ERC2: variants seen among roughly 807,000 people sequenced by gnomAD.
ERC2 encodes ERC protein 2.
Under a neutral mutation model 114.8 loss-of-function variants are expected in ERC2, and 42 were observed. That is an observed-to-expected ratio of 0.37 (90% CI 0.29 to 0.47). The LOEUF is 0.47. Among genes scored for constraint, ERC2 ranks in the 20% least tolerant of loss-of-function variants. The pLI, the probability that ERC2 is intolerant of heterozygous loss-of-function variation, is 0.99. For synonymous variants in ERC2, 454 were observed against 425.5 expected, an observed-to-expected ratio of 1.07 and a Z score of -0.82; for missense variants, 939 against 1,150.7, an observed-to-expected ratio of 0.82 and a Z score of 2.66.
chr3:55,782,321 T>C (rs1468832089), intron 14 of ERC2, among the ~76,000 whole-genome samples: 2 of 152,118 alleles, frequency 1.3e-5, no homozygotes, highest in Non-Finnish European at 2.9e-5. Flanking sequence ...TTATCCCAAG[T>C]CCCCATACCC....
chr3:56,330,235 C>T (rs981009565), intron 2 of ERC2, among the ~76,000 whole-genome samples: 7 of 152,032 alleles, frequency 4.6e-5, no homozygotes, highest in African/African-American at 1.7e-4. Context: ...GACAAGGTTT[C>T]GCTATGTTGC....
At chr3:56,197,943 T>C (rs1269710146) in intron 3 of ERC2, among the ~76,000 whole-genome samples, 1 of 152,210 alleles carries the variant, frequency 6.6e-6, no homozygotes, top group Admixed American at 6.5e-5. Context: ...CTAGAAACAC[T>C]GATCAATTCC....
intron 14 of ERC2, among the ~76,000 whole-genome samples, chr3:55,814,620 A>G (rs914210423): frequency 3.3e-5 from 5 of 152,252 alleles, no homozygotes; most frequent in Non-Finnish European, 5.9e-5. Flanking sequence ...CAATCTTTCT[A>G]TAGAAGTAGT....
Position 55,675,903 on chromosome 3 carries a change from C to CTT in ERC2, c.*39+7889_*39+7890dup, listed in dbSNP as rs869296098. 3.0e-3 allele frequency among the ~76,000 whole-genome samples: 142 copies of CTT among 47,966 alleles called. 12 individuals are homozygous for CTT. Among genetic ancestry groups the CTT allele is most frequent in the African/African-American group, 0.012 (129 of 10,534 alleles). The allele number at this position is 47,966 out of a possible 152,430, so 31.5% of individuals were successfully genotyped here. A position where few individuals can be genotyped will look rare whatever the true frequency, so the allele number is the denominator to read the frequency against. ...TTCCATCTTTCTTTCTCTTTTCTTT[C>CTT]TTTTTTTTTTTTTTTTTTTTTTTTT... On this transcript the variant is annotated intron_variant, in intron 17 of 17. Coordinates refer to ENST00000288221, the MANE Select transcript of ERC2 (RefSeq NM_015576.3).
At chr3:56,336,447 C>T (rs913018998) in intron 2 of ERC2, among the ~76,000 whole-genome samples, 18 of 152,082 alleles carry the variant, frequency 1.2e-4, no homozygotes, top group Non-Finnish European at 1.9e-4. Flanking sequence ...GCTATCATGA[C>T]GATGAATGGG....
chr3:56,020,670 G>A lies in ERC2; in HGVS notation c.1642-1639C>T, dbSNP rs545515046. ...ATGTTATTACTTTGAATACACCCAT[G>A]GATACATTTGTGTACACACATGTAC... On this transcript the variant is annotated intron_variant, in intron 7 of 17. Coordinates refer to ENST00000288221, the MANE Select transcript of ERC2 (RefSeq NM_015576.3). Among the ~76,000 whole-genome samples the A allele has an allele frequency of 2.6e-5, 4 of 152,294 alleles. No homozygotes were observed. The South Asian group carries it at 8.3e-4, about 32-fold the overall frequency.
At chr3:55,921,425 C>T (rs1325632021) in intron 13 of ERC2, among the ~76,000 whole-genome samples, 2 of 152,122 alleles carry the variant, frequency 1.3e-5, no homozygotes, top group African/African-American at 2.4e-5. Flanking sequence ...GGTATTCCCA[C>T]ATGTATCAGT....
intron 6 of ERC2, among the ~76,000 whole-genome samples, chr3:56,128,396 T>C (rs2080011130): frequency 1.3e-5 from 2 of 152,190 alleles, no homozygotes; most frequent in African/African-American, 4.8e-5. Flanking sequence ...AATTTAAAAC[T>C]GACGCACTGG....
chr3:55,996,987 A>G (rs1312682468), intron 10 of ERC2, among the ~76,000 whole-genome samples: 1 of 152,208 alleles, frequency 6.6e-6, no homozygotes, highest in Non-Finnish European at 1.5e-5. Flanking sequence ...CTGGTCATTG[A>G]TTATTTCCAA....
chr3:55,529,890 C>T (rs1477524035), intron 17 of ERC2, among the ~76,000 whole-genome samples: 1 of 152,074 alleles, frequency 6.6e-6, no homozygotes, highest in Non-Finnish European at 1.5e-5. Context: ...AGTTCTAGTC[C>T]CAATATTGCC....
intron 3 of ERC2, among the ~76,000 whole-genome samples, chr3:56,225,924 C>T (rs1238120992): frequency 6.6e-6 from 1 of 152,148 alleles, no homozygotes; most frequent in African/African-American, 2.4e-5. Flanking sequence ...ATCCTCAGAA[C>T]CAACAATCTG....
chr3:55,984,601 A>T (rs1187239291), intron 12 of ERC2, among the ~76,000 whole-genome samples: 1 of 151,948 alleles, frequency 6.6e-6, no homozygotes, highest in African/African-American at 2.4e-5. Context: ...CCTACCGCCC[A>T]TTATGATGTC....
chr3:56,148,637 C>T (rs6788505), intron 5 of ERC2, among the ~76,000 whole-genome samples: 8,674 of 152,048 alleles, frequency 0.057, 282 homozygotes, highest in African/African-American at 0.095. Context: ...AATTTGACAA[C>T]GATAGCAACT....
At chr3:55,932,343 A>T (rs1177107973) in intron 13 of ERC2, among the ~76,000 whole-genome samples, 1 of 152,204 alleles carries the variant, frequency 6.6e-6, no homozygotes, top group Non-Finnish European at 1.5e-5. Context: ...TGTTATTATT[A>T]TGACATCTAT....
At chr3:55,672,508 T>G (rs2061604477) in intron 17 of ERC2, among the ~76,000 whole-genome samples, 1 of 152,130 alleles carries the variant, frequency 6.6e-6, no homozygotes, top group Non-Finnish European at 1.5e-5. Flanking sequence ...CAAACCTCCT[T>G]TTCTTACTCT....
chr3:56,173,344 A>T lies in ERC2; in HGVS notation c.1149+102T>A. ...AAGTAAAGCATCCAGCAGGGTGCCT[A>T]GAGAAAAACACAAGGTTCATTTCAT... is the stretch of plus-strand genomic sequence containing the variant. On this transcript the variant is annotated intron_variant, in intron 4 of 17. Transcript: ENST00000288221. 4.4e-6 allele frequency: 5 copies of T among 1,126,514 alleles called. No individual in the cohort carries two copies. The South Asian group carries it at 6.5e-5, about 15-fold the overall frequency. The allele number at this position is 1,126,514 out of a possible 1,614,324, so 69.8% of individuals were successfully genotyped here. A position where few individuals can be genotyped will look rare whatever the true frequency, so the allele number is the denominator to read the frequency against.
chr3:56,397,092 G>A (rs2060337766), intron 2 of ERC2, among the ~76,000 whole-genome samples: 1 of 152,188 alleles, frequency 6.6e-6, no homozygotes, highest in South Asian at 2.1e-4. Flanking sequence ...ATGTTCTAGA[G>A]AGTTTCAGCA....
intron 3 of ERC2, among the ~76,000 whole-genome samples, chr3:56,201,311 G>T (rs1307956439): frequency 6.6e-6 from 1 of 152,168 alleles, no homozygotes; most frequent in East Asian, 1.9e-4. Flanking sequence ...TCTCATGGAC[G>T]TTAATTACTT....
rs570858166 is a variant in ERC2, at chr3:55,788,369, G to C, written c.2565-53451C>G. Among the ~76,000 whole-genome samples the C allele has an allele frequency of 3.9e-5, 6 of 152,312 alleles. 1 individual carries two copies. In the East Asian group the frequency reaches 1.2e-3, roughly 29 times the overall value. On this transcript the variant is annotated intron_variant, in intron 14 of 17. Transcript: ENST00000288221. ...ATCTCGAGTCCTGGCCATGTGCTAG[G>C]AAAGGGCCTATGAACTCTCCCCTGT...
Sources: allele counts gnomAD v4.1 joint callset (sites outside exome capture counted in the v4.1 genomes callset), GRCh38; gene constraint gnomAD v4.1.1; transcripts MANE v1.5; gene names NCBI Gene and HGNC (gene_info 2026-07-23, HGNC 2026-07-21).